Variants in NYX observed in about 807,000 individuals in gnomAD.
NYX encodes nyctalopin.
For missense variants in NYX, 481 were observed against 485.4 expected, an observed-to-expected ratio of 0.99 and a Z score of 0.09; for synonymous variants, 258 against 245.7, an observed-to-expected ratio of 1.05 and a Z score of -0.47.
chrX:41,448,562 C>CTTTTT (rs1289675519), intron 2 of NYX, among the ~76,000 whole-genome samples: 4 of 86,592 alleles, frequency 4.6e-5, no homozygotes, highest in Non-Finnish European at 6.8e-5. Flanking sequence ...CTTTTCTTTT[C>CTTTTT]TTTTTTTTTT....
At chrX:41,459,095 C>T (rs972175686) in intron 2 of NYX, among the ~76,000 whole-genome samples, 5 of 110,595 alleles carry the variant, frequency 4.5e-5, no homozygotes, top group Non-Finnish European at 9.5e-5. Flanking sequence ...ACAACAACAA[C>T]AACAACAACA....
At position 41,474,421 on chromosome X, in the gene NYX, A is replaced by T; in HGVS notation, c.953A>T (p.Gln318Leu). The change falls in exon 3 of 3, where the codon CAG (glutamine) becomes CTG (leucine). Residue 318 changes from glutamine (Q) to leucine (L), a missense_variant. Coordinates refer to ENST00000378220, the MANE Select transcript of NYX (RefSeq NM_001378477.3). ...RLTVLAWVAFQPGFFLGRLFL... is the reference protein window; with the variant it reads ...RLTVLAWVAFLPGFFLGRLFL... ...ACCGTGCTCGCCTGGGTCGCCTTCC[A>T]GCCCGGCTTCTTCCTGGGCCGCCTC... 1 of 1,207,966 alleles carries T rather than the reference A, an allele frequency of 8.3e-7. No individual in the cohort carries two copies. Among genetic ancestry groups the T allele is most frequent in the South Asian group, 1.8e-5 (1 of 57,013 alleles).
chrX:41,471,446 G>C (rs1358054784), intron 2 of NYX, among the ~76,000 whole-genome samples: 1 of 112,209 alleles, frequency 8.9e-6, no homozygotes, highest in Admixed American at 9.5e-5. Flanking sequence ...ACATGTCTAC[G>C]TGTAAGTGTG....
intron 2 of NYX, among the ~76,000 whole-genome samples, chrX:41,460,664 A>G (rs1178184123): frequency 3.6e-5 from 4 of 110,116 alleles, no homozygotes; most frequent in African/African-American, 1.3e-4. Flanking sequence ...ACATACATAC[A>G]ATTCATATTT....
rs772093712 is a variant in NYX, at chrX:41,474,516, G to A, written c.1048G>A (p.Gly350Arg). Residue 350 changes from glycine (G) to arginine (R), a missense_variant, in exon 3 of 3, where the codon GGA becomes AGA. Gly to Arg is a moderately radical substitution (Grantham distance 125, BLOSUM62 -2). Coordinates refer to ENST00000378220, the MANE Select transcript of NYX (RefSeq NM_001378477.3). ...EWLRDWMEGSGRVTDVPCASP... is the reference protein window; with the variant it reads ...EWLRDWMEGSRRVTDVPCASP... Reference sequence around the variant, plus strand: ...GCTGAGGGACTGGATGGAGGGCTCCGGACGTGTCACCGACGTGCCGTGCGC... The same window carrying A: ...GCTGAGGGACTGGATGGAGGGCTCCAGACGTGTCACCGACGTGCCGTGCGC... 7.5e-6 allele frequency: 9 copies of A among 1,205,302 alleles called. No individual in the cohort carries two copies. Among genetic ancestry groups the A allele is most frequent in the Middle Eastern group, 4.6e-4 (2 of 4,342 alleles).
chrX:41,473,845 T>C lies in NYX; in HGVS notation c.377T>C (p.Phe126Ser). Residue 126 changes from phenylalanine (F) to serine (S), a missense_variant, in exon 3 of 3, where the codon TTC becomes TCC. Coordinates refer to ENST00000378220, the MANE Select transcript of NYX (RefSeq NM_001378477.3). ...CTGCGCTACCTGCACGCGCGCACCT[T>C]CGCGGCGCTCAGCCGCCTGCGCCGC... Reference protein sequence around the residue: ...GDLRYLHARTFAALSRLRRLD... With the variant: ...GDLRYLHARTSAALSRLRRLD... 1 of 1,103,879 alleles carries C rather than the reference T, an allele frequency of 9.1e-7. No individual in the cohort carries two copies. The highest frequency in any genetic ancestry group is 1.2e-6 in the Non-Finnish European group (1 of 849,839). The allele number at this position is 1,103,879 out of a possible 1,213,427, so 91.0% of individuals were successfully genotyped here.
chrX:41,456,768 C>G (rs781710403), intron 2 of NYX, among the ~76,000 whole-genome samples: 13 of 111,717 alleles, frequency 1.2e-4, no homozygotes, highest in Admixed American at 1.1e-3. Flanking sequence ...AGAGAGTTTC[C>G]GGCTTCCATC....
intron 2 of NYX, among the ~76,000 whole-genome samples, chrX:41,471,126 G>A (rs776346889): frequency 1.8e-5 from 2 of 111,081 alleles, no homozygotes; most frequent in East Asian, 2.8e-4. Context: ...TTTTTGGAGG[G>A]GGGGGATGGA....
chrX:41,472,895 T>G (rs2064367543), intron 2 of NYX, among the ~76,000 whole-genome samples: 1 of 111,230 alleles, frequency 9.0e-6, no homozygotes, highest in African/African-American at 3.3e-5. Context: ...GCCTCCCGGG[T>G]TCAAGGGATT....
intron 2 of NYX, among the ~76,000 whole-genome samples, chrX:41,456,688 G>A (rs1311648775): frequency 8.9e-6 from 1 of 111,922 alleles, no homozygotes; most frequent in East Asian, 2.8e-4. Flanking sequence ...CTGAATCCAA[G>A]TCTTACTGGG....
intron 2 of NYX, among the ~76,000 whole-genome samples, chrX:41,464,675 G>C (rs750242037): frequency 9.1e-5 from 10 of 109,818 alleles, no homozygotes; most frequent in Admixed American, 2.0e-4. Context: ...CCGTGCGTGT[G>C]TGTGTGTGTG....
chrX:41,455,267 G>A (rs1421053791), intron 2 of NYX, among the ~76,000 whole-genome samples: 4 of 109,592 alleles, frequency 3.6e-5, no homozygotes, highest in African/African-American at 1.0e-4. Context: ...CACCATGCCC[G>A]GCTAATTTTT....
At chrX:41,463,548 G>A (rs1021948892) in intron 2 of NYX, among the ~76,000 whole-genome samples, 2 of 109,157 alleles carry the variant, frequency 1.8e-5, no homozygotes, top group African/African-American at 3.3e-5. Flanking sequence ...TCAGCCTCCC[G>A]AGTGGCTGGG....
At chrX:41,464,359 A>G (rs1437081012) in intron 2 of NYX, among the ~76,000 whole-genome samples, 1 of 109,910 alleles carries the variant, frequency 9.1e-6, no homozygotes, top group African/African-American at 3.3e-5. Context: ...GGCTGGTCTC[A>G]AACTCCTGGG....
intron 2 of NYX, among the ~76,000 whole-genome samples, chrX:41,455,380 T>C (rs2064295359): frequency 9.0e-6 from 1 of 110,707 alleles, no homozygotes; most frequent in Non-Finnish European, 1.9e-5. Flanking sequence ...GTGCTGGGAT[T>C]ACAGGCATGA....
At chrX:41,463,582 C>T (rs2064328153) in intron 2 of NYX, among the ~76,000 whole-genome samples, 1 of 110,725 alleles carries the variant, frequency 9.0e-6, no homozygotes, top group Non-Finnish European at 1.9e-5. Context: ...GCCACCACAC[C>T]CAGCTAATTT....
chrX:41,452,084 C>T (rs778742491), intron 2 of NYX, among the ~76,000 whole-genome samples: 4 of 111,015 alleles, frequency 3.6e-5, no homozygotes, highest in South Asian at 7.7e-4. Flanking sequence ...AAGGATCCTC[C>T]CACCTCAGCT....
In NYX at chrX:41,474,960, A is replaced by T. The variant is rs761926242; in HGVS notation, c.*61A>T. 9.7e-7 allele frequency: 1 copy of T among 1,026,535 alleles called. No homozygotes were observed. The highest frequency in any genetic ancestry group is 3.2e-5 in the East Asian group (1 of 31,485). 84.6% of individuals were successfully genotyped at this position (1,026,535 alleles called of 1,213,427 possible). On this transcript the variant is annotated 3_prime_UTR_variant, in exon 3 of 3. Coordinates refer to ENST00000378220, the MANE Select transcript of NYX (RefSeq NM_001378477.3). ...TTGAGTGTGTTTGTGGTAAGGGGAGAGGAGCCGGAATGGAGGGCAGAGGTG... is the reference window on the plus strand; with the variant it reads ...TTGAGTGTGTTTGTGGTAAGGGGAGTGGAGCCGGAATGGAGGGCAGAGGTG...
Position 41,474,320 on chromosome X carries a change from C to T in NYX, c.852C>T (p.Ser284=), listed in dbSNP as rs2064379148. 1 of 1,207,690 alleles carries T rather than the reference C, an allele frequency of 8.3e-7. No individual in the cohort carries two copies. Among genetic ancestry groups the T allele is most frequent in the African/African-American group, 1.7e-5 (1 of 57,733 alleles). The change falls in exon 3 of 3, where the codon AGC becomes AGT. Residue 284 remains serine, a synonymous_variant. Coordinates refer to ENST00000378220, the MANE Select transcript of NYX (RefSeq NM_001378477.3). ...ELELLYLDRN[S]IAFVEEGAFQ... is the part of the protein sequence containing the mutation. Reference sequence around the variant, plus strand: ...AGCTGCTCTACCTGGACCGCAACAGCATCGCCTTCGTGGAGGAGGGCGCCT... The same window carrying T: ...AGCTGCTCTACCTGGACCGCAACAGTATCGCCTTCGTGGAGGAGGGCGCCT...
Sources: gnomAD v4.1 joint callset for allele counts (sites outside exome capture counted in the v4.1 genomes callset) on GRCh38, gnomAD v4.1.1 for gene constraint, MANE v1.5 for transcripts, NCBI Gene and HGNC (gene_info 2026-07-23, HGNC 2026-07-21) for gene names.